PIK3C2G: variants seen among roughly 807,000 people sequenced by gnomAD.
PIK3C2G encodes the protein phosphatidylinositol 3-kinase C2 domain-containing subunit gamma.
A neutral mutation model predicts 181.1 loss-of-function variants in PIK3C2G; 168 were observed. The ratio of observed to expected loss-of-function variants is 0.93; its 90% CI spans 0.82 to 1.05. PIK3C2G has a LOEUF of 1.05. Ranked by LOEUF, PIK3C2G falls within the 50% of genes least tolerant of loss-of-function variation. The pLI is 0.00. For synonymous variants in PIK3C2G, 573 were observed against 592.2 expected, an observed-to-expected ratio of 0.97 and a Z score of 0.47; for missense variants, 1,869 against 1,732.8, an observed-to-expected ratio of 1.08 and a Z score of -1.40.
chr12:18,456,946 T>C (rs1947660523), intron 18 of PIK3C2G, among the ~76,000 whole-genome samples: 1 of 152,202 alleles, frequency 6.6e-6, no homozygotes, highest in Non-Finnish European at 1.5e-5. Context: ...ATTCTTTTTA[T>C]ATAAAAGTTT....
At chr12:18,277,190 TTC>T (rs1417772793) in intron 1 of PIK3C2G, among the ~76,000 whole-genome samples, 1 of 152,192 alleles carries the variant, frequency 6.6e-6, no homozygotes, top group Non-Finnish European at 1.5e-5. Context: ...AGTTATTATC[TTC>T]TCTGAATTTA....
At chr12:18,614,308 C>CT (rs1356215219) in intron 31 of PIK3C2G, among the ~76,000 whole-genome samples, 1 of 152,006 alleles carries the variant, frequency 6.6e-6, no homozygotes, top group African/African-American at 2.4e-5. Flanking sequence ...TGTTTCATGA[C>CT]TTTTTTTGCC....
intron 1 of PIK3C2G, among the ~76,000 whole-genome samples, chr12:18,271,750 T>TA (rs1565538768): frequency 6.6e-6 from 1 of 152,212 alleles, no homozygotes; most frequent in African/African-American, 2.4e-5. Context: ...AAAAAAGACT[T>TA]ATGGAATAAA....
chr12:18,311,975 C>A (rs1190996519), intron 5 of PIK3C2G, among the ~76,000 whole-genome samples: 1 of 152,134 alleles, frequency 6.6e-6, no homozygotes, highest in African/African-American at 2.4e-5. Context: ...TGTTTGAGAG[C>A]AGGAAGCATC....
At chr12:18,712,747 T>C in the PIK3C2G span, 196 of 1,436,410 alleles carry the variant, frequency 1.4e-4, no homozygotes, top group African/African-American at 2.5e-3. Context: ...TGAAATATCA[T>C]CTAAAGTAAG....
chr12:18,513,734 G>A (rs1942357129), intron 24 of PIK3C2G, among the ~76,000 whole-genome samples: 1 of 151,352 alleles, frequency 6.6e-6, no homozygotes, highest in Non-Finnish European at 1.5e-5. Flanking sequence ...CTTGTAAACA[G>A]TTTATTACAA....
At chr12:18,605,439 A>G (rs1220496619) in intron 30 of PIK3C2G, among the ~76,000 whole-genome samples, 1 of 152,172 alleles carries the variant, frequency 6.6e-6, no homozygotes, top group African/African-American at 2.4e-5. Flanking sequence ...TCACAGCAGA[A>G]TTCTATCAGA....
intron 28 of PIK3C2G, 84 bp downstream of exon 28, chr12:18,563,582 T>C (rs1182045858): frequency 1.4e-5 from 19 of 1,340,092 alleles, no homozygotes; most frequent in Non-Finnish European, 2.1e-6. Context: ...GGATTTTCTA[T>C]TTGTGAGAAA....
chr12:18,718,505 C>T, the PIK3C2G span, among the ~76,000 whole-genome samples: 1 of 152,142 alleles, frequency 6.6e-6, no homozygotes, highest in African/African-American at 2.4e-5. Context: ...CCTTCATTCA[C>T]CATTGACTTG....
At position 18,491,487 on chromosome 12, in the gene PIK3C2G, T is replaced by C. The variant is rs766467454; in HGVS notation, c.2722T>C (p.Phe908Leu). 6.2e-7 allele frequency: 1 copy of C among 1,607,666 alleles called. No homozygotes were observed. Among genetic ancestry groups the C allele is most frequent in the East Asian group, 2.2e-5 (1 of 44,760 alleles). The change falls in exon 20 of 33, where the codon TTC becomes CTC. Residue 908 changes from phenylalanine (F) to leucine (L), a missense_variant. Transcript: ENST00000538779. ...LKKEIGRLEEFFQDVNTCHLP... is the reference protein window; with the variant it reads ...LKKEIGRLEELFQDVNTCHLP... ...GAAAGAAATTGGCAGACTAGAAGAG[T>C]TCTTTCAAGATGTAAATACTTGTCA...
rs553108275 is a variant in PIK3C2G, at chr12:18,306,280, G to T, written c.1035-7682G>T. ...AATCCCTCTTGAGTATTAGCTGTTG[G>T]TATCAATTTATGTCCCATACAGGAT... On this transcript the variant is annotated intron_variant, in intron 5 of 32. Transcript: ENST00000538779. Among the ~76,000 whole-genome samples the T allele has an allele frequency of 1.0e-3, 154 of 151,982 alleles. 3 individuals carry two copies. The highest frequency in any genetic ancestry group is 3.6e-3 in the African/African-American group (150 of 41,506).
At chr12:18,404,091 CA>C (rs1313343194) in intron 16 of PIK3C2G, among the ~76,000 whole-genome samples, 3 of 124,996 alleles carry the variant, frequency 2.4e-5, no homozygotes. Context: ...CAATATTTAA[CA>C]GAACAGTGCC....
At chr12:18,244,407 T>C (rs139216166), upstream of PIK3C2G, among the ~76,000 whole-genome samples, 55 of 152,166 alleles carry the variant, frequency 3.6e-4, no homozygotes, top group African/African-American at 1.3e-3. Flanking sequence ...CTGGGGGTTC[T>C]TGATAAATTG....
chr12:18,503,018 C>G (rs12146835), intron 22 of PIK3C2G, among the ~76,000 whole-genome samples: 57,344 of 151,976 alleles, frequency 0.38, 11,039 homozygotes, highest in African/African-American at 0.45. Flanking sequence ...TCATCATCAA[C>G]ATTGGCTTGC....
At chr12:18,619,354 T>C (rs1948743167) in intron 31 of PIK3C2G, among the ~76,000 whole-genome samples, 1 of 152,016 alleles carries the variant, frequency 6.6e-6, no homozygotes, top group South Asian at 2.1e-4. Context: ...ATACATATTC[T>C]AATAAAAAAA....
At chr12:18,656,036 T>C in the PIK3C2G span, among the ~76,000 whole-genome samples, 1 of 152,180 alleles carries the variant, frequency 6.6e-6, no homozygotes, top group Non-Finnish European at 1.5e-5. Context: ...GGTTCATCAA[T>C]TGTGACAAAT....
In PIK3C2G at chr12:18,346,669, A is replaced by C. The variant is rs768845699; in HGVS notation, c.1458A>C (p.Leu486=). 1 of 1,613,026 alleles carries C rather than the reference A, an allele frequency of 6.2e-7. No homozygotes were observed. The highest frequency in any genetic ancestry group is 1.1e-5 in the South Asian group (1 of 91,032). The change falls in exon 11 of 33, where the codon CTA becomes CTC. Residue 486 remains leucine, a synonymous_variant. Coordinates refer to ENST00000538779, the MANE Select transcript of PIK3C2G (RefSeq NM_001288772.2). ...TGATAGAGAAGGTAACAACTGAACT[A>C]TCCACATCCATCTACCAGCTAATCA... ...KGLIEKVTTE[L]STSIYQLINV... is the part of the protein sequence containing the mutation.
At chr12:18,334,478 A>G (rs1244284654) in intron 8 of PIK3C2G, among the ~76,000 whole-genome samples, 1 of 152,108 alleles carries the variant, frequency 6.6e-6, no homozygotes, top group East Asian at 1.9e-4. Flanking sequence ...TTGTAATACC[A>G]TCAACTACCT....
intron 31 of PIK3C2G, among the ~76,000 whole-genome samples, chr12:18,611,496 C>G (rs528042649): frequency 6.6e-6 from 1 of 152,132 alleles, no homozygotes; most frequent in African/African-American, 2.4e-5. Context: ...ACTTGTTTTT[C>G]TTTTCCAAAT....
Sources: gnomAD v4.1 joint callset for allele counts (sites outside exome capture counted in the v4.1 genomes callset) on GRCh38, gnomAD v4.1.1 for gene constraint, MANE v1.5 for transcripts, NCBI Gene and HGNC (gene_info 2026-07-23, HGNC 2026-07-21) for gene names.